Variants in TNS3 observed in about 807,000 individuals in gnomAD.
TNS3 encodes the protein tensin-3.
In TNS3, 45 loss-of-function variants were observed where a neutral mutation model predicts 140.9. The observed-to-expected ratio is 0.32, with a 90% CI of 0.25 to 0.41. TNS3 has a LOEUF of 0.41. Among genes scored for constraint, TNS3 ranks in the 10% least tolerant of loss-of-function variants. The pLI, the probability that TNS3 is intolerant of heterozygous loss-of-function variation, is 1.00. For missense variants in TNS3, 1,716 were observed against 1,906.7 expected (o/e 0.90, Z 1.86); for synonymous variants, 815 against 788.4 (o/e 1.03, Z -0.56).
intron 4 of TNS3, among the ~76,000 whole-genome samples, chr7:47,457,622 C>A (rs1261130713): frequency 2.6e-5 from 4 of 152,210 alleles, no homozygotes; most frequent in African/African-American, 7.2e-5. Context: ...TGGTTTCCTG[C>A]CACTCAAGCA....
At chr7:47,305,600 C>T in intron 20 of TNS3, among the ~76,000 whole-genome samples, 1 of 152,228 alleles carries the variant, frequency 6.6e-6, no homozygotes, top group East Asian at 1.9e-4. Flanking sequence ...CAGGTCAAAC[C>T]CCGCTGCTTC....
intron 20 of TNS3, among the ~76,000 whole-genome samples, chr7:47,334,047 T>C (rs1415004058): frequency 6.6e-6 from 1 of 152,172 alleles, no homozygotes; most frequent in African/African-American, 2.4e-5. Context: ...TCTTCCTCCC[T>C]GTGGCAAACA....
At chr7:47,554,456 T>C (rs1800145308) in intron 1 of TNS3, among the ~76,000 whole-genome samples, 1 of 151,196 alleles carries the variant, frequency 6.6e-6, no homozygotes, top group South Asian at 2.1e-4. Context: ...CTGGAAAAGA[T>C]TCAACAGTCC....
At chr7:47,410,935 C>T (rs1793734020) in intron 13 of TNS3, among the ~76,000 whole-genome samples, 1 of 152,162 alleles carries the variant, frequency 6.6e-6, no homozygotes, top group Admixed American at 6.5e-5. Flanking sequence ...TGGCTAATCT[C>T]CTCCAAGAAC....
chr7:47,309,715 A>G (rs759301328), intron 20 of TNS3, among the ~76,000 whole-genome samples: 20 of 152,380 alleles, frequency 1.3e-4, no homozygotes, highest in Middle Eastern at 3.4e-3. Flanking sequence ...AGAAAGGTGG[A>G]AAAACATGCT....
chr7:47,324,832 T>G (rs1175720336), intron 20 of TNS3, among the ~76,000 whole-genome samples: 1 of 152,118 alleles, frequency 6.6e-6, no homozygotes, highest in Non-Finnish European at 1.5e-5. Context: ...ATGTCCCTGT[T>G]AAGAAAAAAA....
intron 28 of TNS3, among the ~76,000 whole-genome samples, chr7:47,281,605 C>T (rs1053154512): frequency 6.6e-6 from 1 of 152,162 alleles, no homozygotes; most frequent in Non-Finnish European, 1.5e-5. Context: ...GAGAAGATCC[C>T]CCTTTTGTCT....
chr7:47,567,262 G>A (rs75037723), intron 1 of TNS3, among the ~76,000 whole-genome samples: 138 of 152,158 alleles, frequency 9.1e-4, no homozygotes, highest in Middle Eastern at 6.8e-3. Context: ...AAATGCCCAG[G>A]AATATACAAA....
intron 3 of TNS3, among the ~76,000 whole-genome samples, chr7:47,489,200 G>T (rs1056789487): frequency 6.6e-6 from 1 of 152,168 alleles, no homozygotes; most frequent in Non-Finnish European, 1.5e-5. Flanking sequence ...CAGCCTGCGG[G>T]CTGAGAACCG....
chr7:47,325,656 G>A (rs1465138964), intron 20 of TNS3, among the ~76,000 whole-genome samples: 1 of 152,120 alleles, frequency 6.6e-6, no homozygotes, highest in East Asian at 1.9e-4. Context: ...AGTCCCTCCT[G>A]ATAGGAGGGA....
intron 1 of TNS3, among the ~76,000 whole-genome samples, chr7:47,564,629 C>A (rs1197575043): frequency 1.3e-5 from 1 of 74,496 alleles, no homozygotes. Context: ...GAGCAAGACT[C>A]CGTCTCAAAA....
At chr7:47,293,091 T>C (rs1785803495) in intron 25 of TNS3, among the ~76,000 whole-genome samples, 186 bp from the exon 26 acceptor site, 1 of 152,210 alleles carries the variant, frequency 6.6e-6, no homozygotes, top group South Asian at 2.1e-4. Context: ...CACAAGATAG[T>C]TGAGAGGTAA....
intron 20 of TNS3, among the ~76,000 whole-genome samples, chr7:47,315,000 T>C (rs1213017634): frequency 6.6e-6 from 1 of 152,204 alleles, no homozygotes; most frequent in Non-Finnish European, 1.5e-5. Flanking sequence ...CCTGAGGCCA[T>C]GCACCCCTCC....
At chr7:47,371,636 A>G (rs1459624545) in intron 16 of TNS3, among the ~76,000 whole-genome samples, 1 of 152,066 alleles carries the variant, frequency 6.6e-6, no homozygotes, top group Non-Finnish European at 1.5e-5. Flanking sequence ...TAAAAAACCT[A>G]TTTCGCCCAG....
chr7:47,530,403 C>A (rs1277611781), intron 1 of TNS3, among the ~76,000 whole-genome samples: 1 of 152,028 alleles, frequency 6.6e-6, no homozygotes, highest in African/African-American at 2.4e-5. Flanking sequence ...AGAACTTTAA[C>A]CAACATAACA....
intron 1 of TNS3, among the ~76,000 whole-genome samples, chr7:47,567,030 C>CAA (rs541987899): frequency 0.019 from 1,865 of 97,972 alleles, 64 homozygotes; most frequent in African/African-American, 0.054. Flanking sequence ...GACTCCATCT[C>CAA]AAAAAAAAAA....
rs774726583 is a variant in TNS3 at position 47,340,585 on chromosome 7, C to CTTTTTTT, written c.2650+4163_2650+4169dup. ...TGTTCCCTGGGATTTTCTTTTTTTT[C>CTTTTTTT]TTTTTTTTTTTTTTGAGACAGAGTC... is the stretch of plus-strand genomic sequence containing the variant. On this transcript the variant is annotated intron_variant, in intron 20 of 30. Coordinates refer to ENST00000311160, the MANE Select transcript of TNS3 (RefSeq NM_022748.12). Among the ~76,000 whole-genome samples the CTTTTTTT allele has an allele frequency of 2.2e-5, 3 of 134,856 alleles. 1 individual carries two copies. Among genetic ancestry groups the CTTTTTTT allele is most frequent in the African/African-American group, 8.3e-5 (3 of 36,122 alleles). 88.5% of individuals were successfully genotyped at this position (134,856 alleles called of 152,430 possible). A position where few individuals can be genotyped will look rare whatever the true frequency, so the allele number is the denominator to read the frequency against.
chr7:47,362,373 C>A (rs1485730543), intron 17 of TNS3, among the ~76,000 whole-genome samples: 2 of 152,218 alleles, frequency 1.3e-5, no homozygotes, highest in Non-Finnish European at 1.5e-5. Context: ...CAGGGCTACT[C>A]TACACTGTCC....
intron 16 of TNS3, among the ~76,000 whole-genome samples, chr7:47,393,471 C>G (rs968665551): frequency 6.6e-6 from 1 of 152,100 alleles, no homozygotes; most frequent in Non-Finnish European, 1.5e-5. Context: ...TTGCTGAGAT[C>G]CAGTTTTGGG....
Sources: gnomAD v4.1 joint callset for allele counts (sites outside exome capture counted in the v4.1 genomes callset) on GRCh38, gnomAD v4.1.1 for gene constraint, MANE v1.5 for transcripts, NCBI Gene and HGNC (gene_info 2026-07-23, HGNC 2026-07-21) for gene names.